PRKD1: variants seen among roughly 807,000 people sequenced by gnomAD.
The protein encoded by PRKD1 is serine/threonine-protein kinase D1.
Under a neutral mutation model 95.9 loss-of-function variants are expected in PRKD1, and 63 were observed. That is an observed-to-expected ratio of 0.66 (90% CI 0.54 to 0.81). The LOEUF (loss-of-function observed/expected upper bound fraction) is 0.81, where lower values mean the gene tolerates loss of function less well. Among genes scored for constraint, PRKD1 ranks in the 30% least tolerant of loss-of-function variants. The pLI is 0.00. For synonymous variants in PRKD1, 425 were observed against 423.1 expected (o/e 1.00, Z -0.05); for missense variants, 1,048 against 1,165.3 (o/e 0.90, Z 1.47).
intron 1 of PRKD1, among the ~76,000 whole-genome samples, chr14:29,764,760 T>C (rs1335155703): frequency 1.3e-5 from 2 of 152,234 alleles, no homozygotes; most frequent in African/African-American, 2.4e-5. Context: ...TAAGTTTCAA[T>C]ATGAACTTTA....
chr14:29,909,991 T>C (rs1171774198), intron 1 of PRKD1, among the ~76,000 whole-genome samples: 1 of 152,174 alleles, frequency 6.6e-6, no homozygotes, highest in Non-Finnish European at 1.5e-5. Context: ...ATCAGCTCTC[T>C]GTAAAATGGA....
intron 16 of PRKD1, among the ~76,000 whole-genome samples, chr14:29,593,611 G>C (rs930445578): frequency 1.3e-5 from 2 of 152,158 alleles, no homozygotes; most frequent in African/African-American, 4.8e-5. Context: ...ACATAAGCTT[G>C]GAGCTGCTAG....
chr14:29,825,421 T>G (rs918664236), intron 1 of PRKD1, among the ~76,000 whole-genome samples: 1 of 152,102 alleles, frequency 6.6e-6, no homozygotes, highest in Non-Finnish European at 1.5e-5. Flanking sequence ...TGTACATGTA[T>G]GCATTTGTGT....
At chr14:29,724,144 AG>A (rs1168684955) in intron 2 of PRKD1, among the ~76,000 whole-genome samples, 5 of 152,202 alleles carry the variant, frequency 3.3e-5, no homozygotes, top group African/African-American at 1.2e-4. Flanking sequence ...ACCCACACAC[AG>A]GTTGCATTCA....
At chr14:29,753,849 C>T (rs1887584021) in intron 1 of PRKD1, among the ~76,000 whole-genome samples, 2 of 152,088 alleles carry the variant, frequency 1.3e-5, no homozygotes, top group South Asian at 4.1e-4. Context: ...ATGATGTACA[C>T]CTAGATCTCT....
intron 1 of PRKD1, among the ~76,000 whole-genome samples, chr14:29,780,609 G>C (rs1566597270): frequency 6.6e-6 from 1 of 152,238 alleles, no homozygotes; most frequent in African/African-American, 2.4e-5. Context: ...ACACCAGTTA[G>C]AATGGTGAAC....
In PRKD1 at chr14:29,896,743, G is replaced by A. The variant is rs1265789693; in HGVS notation, c.264+30506C>T. Among the ~76,000 whole-genome samples the A allele has an allele frequency of 5.3e-5, 8 of 150,850 alleles. No individual in the cohort carries two copies. The South Asian group carries it at 1.5e-3, about 27-fold the overall frequency. On this transcript the variant is annotated intron_variant, in intron 1 of 17. Coordinates refer to ENST00000331968, the MANE Select transcript of PRKD1 (RefSeq NM_002742.3). The stretch of plus-strand genomic sequence containing the variant: ...GTTAAAAAAAAAAAAAAAAAACAGG[G>A]AGAGAGCAGGAACCTCCTTGCCTTC...
At chr14:29,729,422 C>T (rs1037907099) in intron 1 of PRKD1, among the ~76,000 whole-genome samples, 1 of 152,004 alleles carries the variant, frequency 6.6e-6, no homozygotes, top group Non-Finnish European at 1.5e-5. Context: ...GAAAGGTATC[C>T]ATTTCATTCA....
intron 1 of PRKD1, among the ~76,000 whole-genome samples, chr14:29,836,085 G>A (rs563808140): frequency 3.1e-4 from 47 of 152,310 alleles, no homozygotes; most frequent in African/African-American, 1.1e-3. Context: ...AAGCATCACA[G>A]AGGAGGTGAC....
chr14:29,837,567 T>A (rs1891659550), intron 1 of PRKD1, among the ~76,000 whole-genome samples: 3 of 152,194 alleles, frequency 2.0e-5, no homozygotes. Context: ...TGGAGTAGCA[T>A]TAAAGATTTA....
chr14:29,836,879 A>C (rs1047571506), intron 1 of PRKD1, among the ~76,000 whole-genome samples: 3 of 152,220 alleles, frequency 2.0e-5, no homozygotes, highest in Non-Finnish European at 2.9e-5. Context: ...CAAGGTTACG[A>C]TTAAGTGTAG....
intron 1 of PRKD1, among the ~76,000 whole-genome samples, chr14:29,825,952 T>C (rs946722255): frequency 6.6e-6 from 1 of 151,856 alleles, no homozygotes; most frequent in South Asian, 2.1e-4. Flanking sequence ...AGTACTATGC[T>C]AGGTCTTCAT....
chr14:29,755,080 C>T (rs562211916), intron 1 of PRKD1, among the ~76,000 whole-genome samples: 2 of 151,802 alleles, frequency 1.3e-5, no homozygotes, highest in African/African-American at 2.4e-5. Context: ...TTGATTTTTC[C>T]TGGTATAGAA....
At chr14:29,625,182 G>A (rs1215664420) in intron 12 of PRKD1, among the ~76,000 whole-genome samples, 1 of 152,020 alleles carries the variant, frequency 6.6e-6, no homozygotes, top group Non-Finnish European at 1.5e-5. Flanking sequence ...ATCAGCTTGT[G>A]TTCATGTTCT....
At chr14:29,728,866 C>A (rs978980065) in intron 1 of PRKD1, among the ~76,000 whole-genome samples, 4 of 152,036 alleles carry the variant, frequency 2.6e-5, no homozygotes, top group African/African-American at 9.7e-5. Context: ...AACTTACCAC[C>A]ACATTATATT....
At position 29,827,982 on chromosome 14, in the gene PRKD1, T is replaced by G. The variant is rs114331881; in HGVS notation, c.264+99267A>C. The stretch of plus-strand genomic sequence containing the variant: ...CTGCTTTTCCTTGGCCTCCTTTTGT[T>G]TTCTCCTTTTATTTTCATTCTACTT... On this transcript the variant is annotated intron_variant, in intron 1 of 17. Transcript: ENST00000331968. 9.6e-3 allele frequency among the ~76,000 whole-genome samples: 1,466 copies of G among 152,076 alleles called. 22 individuals are homozygous for G. The highest frequency in any genetic ancestry group is 0.033 in the African/African-American group (1,385 of 41,472).
At chr14:29,922,119 G>A (rs969870865) in intron 1 of PRKD1, among the ~76,000 whole-genome samples, 6 of 151,922 alleles carry the variant, frequency 3.9e-5, no homozygotes, top group African/African-American at 1.2e-4. Context: ...GGATAACACG[G>A]TGAAACCCCA....
intron 2 of PRKD1, among the ~76,000 whole-genome samples, chr14:29,676,970 C>T (rs894639378): frequency 3.9e-5 from 6 of 152,214 alleles, no homozygotes; most frequent in Admixed American, 3.3e-4. Context: ...CGGCTACATT[C>T]AAGTTCTCAA....
intron 13 of PRKD1, among the ~76,000 whole-genome samples, chr14:29,607,706 C>A (rs1209593118): frequency 2.7e-5 from 4 of 149,310 alleles, no homozygotes; most frequent in Non-Finnish European, 5.9e-5. Flanking sequence ...AGGTACTGTG[C>A]TTTTAGGGGC....
Sources: gnomAD v4.1 joint callset for allele counts (sites outside exome capture counted in the v4.1 genomes callset) on GRCh38, gnomAD v4.1.1 for gene constraint, MANE v1.5 for transcripts, NCBI Gene and HGNC (gene_info 2026-07-23, HGNC 2026-07-21) for gene names.